The following RYR2 variants were observed in gnomAD, a reference collection of about 807,000 sequenced individuals.
RYR2 encodes cardiac muscle ryanodine receptor-calcium release channel.
A neutral mutation model predicts 601.1 loss-of-function variants in RYR2; 227 were observed. The observed-to-expected ratio is 0.38, with a 90% CI of 0.34 to 0.42. The LOEUF (loss-of-function observed/expected upper bound fraction) is 0.42, where lower values mean the gene tolerates loss of function less well. Among genes scored for constraint, RYR2 ranks in the 10% least tolerant of loss-of-function variants. The pLI is 1.00. For missense variants in RYR2, 4,646 were observed against 6,156.5 expected, an observed-to-expected ratio of 0.75 and a Z score of 8.21; for synonymous variants, 2,223 against 2,175.1, an observed-to-expected ratio of 1.02 and a Z score of -0.61.
intron 2 of RYR2, among the ~76,000 whole-genome samples, chr1:237,293,014 C>T (rs1180812313): frequency 1.3e-5 from 2 of 151,832 alleles, no homozygotes; most frequent in African/African-American, 4.8e-5. Context: ...CTTCTCCTCT[C>T]AGACACCACT....
chr1:237,366,314 G>T (rs1425681326), intron 5 of RYR2, among the ~76,000 whole-genome samples: 1 of 152,158 alleles, frequency 6.6e-6, no homozygotes, highest in African/African-American at 2.4e-5. Flanking sequence ...ATGTTAAACT[G>T]GCCTTTGCAG....
intron 8 of RYR2, among the ~76,000 whole-genome samples, chr1:237,386,883 G>A (rs1281046890): frequency 6.6e-6 from 1 of 152,062 alleles, no homozygotes; most frequent in Non-Finnish European, 1.5e-5. Flanking sequence ...CCATAAACTT[G>A]GTCCAATAGA....
chr1:237,133,750 A>T (rs1331040663), intron 1 of RYR2, among the ~76,000 whole-genome samples: 3 of 151,844 alleles, frequency 2.0e-5, no homozygotes, highest in African/African-American at 7.3e-5. Context: ...ACATGGTGAA[A>T]CCCCGTCTCT....
intron 27 of RYR2, 101 bp from the exon 28 acceptor site, chr1:237,566,466 C>G: frequency 8.2e-7 from 1 of 1,213,764 alleles, no homozygotes; most frequent in Non-Finnish European, 1.1e-6. Flanking sequence ...GGTTGAATTA[C>G]TAAAGTCGTG....
rs955882 is a variant in RYR2 at position 237,602,375 on chromosome 1, G to C, written c.4683+264G>C. 0.4 allele frequency among the ~76,000 whole-genome samples: 60,547 copies of C among 151,746 alleles called. 13,328 individuals carry two copies. Among genetic ancestry groups the C allele is most frequent in the Admixed American group, 0.51 (7,780 of 15,258 alleles). On this transcript the variant is annotated intron_variant, in intron 35 of 104. Transcript: ENST00000366574. ...AAATGCCGAGATTACACACATTGCA[G>C]CAGTCATTGAACTGATAGGTGAGCT...
chr1:237,228,910 AAAAAATAGGAAG>A (rs1684681202), intron 1 of RYR2, among the ~76,000 whole-genome samples: 2 of 152,322 alleles, frequency 1.3e-5, no homozygotes, highest in African/African-American at 4.8e-5. Context: ...GTGATGTGAA[AAAAAATAGGAAG>A]AAAAATAGTG....
intron 19 of RYR2, among the ~76,000 whole-genome samples, chr1:237,494,100 C>A (rs866693208): frequency 2.0e-5 from 3 of 152,112 alleles, no homozygotes; most frequent in South Asian, 2.1e-4. Flanking sequence ...TCTAGAGGCA[C>A]AGGGCGAATA....
intron 29 of RYR2, among the ~76,000 whole-genome samples, chr1:237,570,855 A>C (rs879827689): frequency 3.3e-5 from 5 of 152,182 alleles, no homozygotes; most frequent in Admixed American, 6.5e-5. Flanking sequence ...TCAGCCAGGC[A>C]TGGTGATTCA....
chr1:237,108,459 G>A (rs528402955), intron 1 of RYR2, among the ~76,000 whole-genome samples: 25 of 152,340 alleles, frequency 1.6e-4, no homozygotes, highest in African/African-American at 5.1e-4. Context: ...CTGATGTACC[G>A]CAGAGGCCTC....
chr1:237,725,950 T>C (rs2149137140), intron 74 of RYR2, among the ~76,000 whole-genome samples: 1 of 152,224 alleles, frequency 6.6e-6, no homozygotes, highest in Admixed American at 6.5e-5. Flanking sequence ...TGGGTCTCAT[T>C]GAAAACTATT....
At chr1:237,642,423 G>GACA (rs1480857172) in intron 47 of RYR2, among the ~76,000 whole-genome samples, 1 of 152,154 alleles carries the variant, frequency 6.6e-6, no homozygotes, top group South Asian at 2.1e-4. Flanking sequence ...GGTGATTACT[G>GACA]ACAACAACAA....
intron 24 of RYR2, among the ~76,000 whole-genome samples, chr1:237,516,179 C>G (rs1012509699): frequency 6.6e-6 from 1 of 152,114 alleles, no homozygotes; most frequent in Non-Finnish European, 1.5e-5. Flanking sequence ...TACGCGATCT[C>G]AGCTCACTGC....
chr1:237,474,600 T>G (rs554136793), intron 17 of RYR2, among the ~76,000 whole-genome samples: 1 of 152,272 alleles, frequency 6.6e-6, no homozygotes, highest in African/African-American at 2.4e-5. Context: ...TCTCAAAATC[T>G]TAACCTCACT....
At chr1:237,099,117 A>C (rs947369611) in intron 1 of RYR2, among the ~76,000 whole-genome samples, 29 of 137,576 alleles carry the variant, frequency 2.1e-4, no homozygotes, top group Admixed American at 5.2e-4. Context: ...AAAAAAAAAA[A>C]CCCAGGAAAT....
At chr1:237,072,153 G>C (rs1664427957) in intron 1 of RYR2, among the ~76,000 whole-genome samples, 1 of 152,150 alleles carries the variant, frequency 6.6e-6, no homozygotes, top group Non-Finnish European at 1.5e-5. Flanking sequence ...AACTCAGCAG[G>C]GCACGGGGGT....
At chr1:237,785,340 T>C (rs946664293) in intron 90 of RYR2, among the ~76,000 whole-genome samples, 10 of 152,360 alleles carry the variant, frequency 6.6e-5, no homozygotes, top group Middle Eastern at 3.4e-3. Flanking sequence ...TCTGTGATTT[T>C]CTTTGGCATG....
chr1:237,639,218 C>A lies in RYR2; in HGVS notation c.7115+17C>A. On this transcript the variant is annotated intron_variant, in intron 46 of 104. Coordinates refer to ENST00000366574, the MANE Select transcript of RYR2 (RefSeq NM_001035.3). Reference sequence around the variant, plus strand: ...TAAAACACTGTAGGTCTAATATACACACCCTCACGAGTGATCCATACTACT... The same window carrying A: ...TAAAACACTGTAGGTCTAATATACAAACCCTCACGAGTGATCCATACTACT... 1 of 1,597,258 alleles carries A rather than the reference C, an allele frequency of 6.3e-7. No individual in the cohort carries two copies. The highest frequency in any genetic ancestry group is 8.5e-7 in the Non-Finnish European group (1 of 1,169,760).
At chr1:237,479,581 C>T (rs1048456493) in intron 17 of RYR2, among the ~76,000 whole-genome samples, 2 of 149,602 alleles carry the variant, frequency 1.3e-5, no homozygotes, top group African/African-American at 4.9e-5. Context: ...AGAACTTGCT[C>T]CAGGGGATCC....
At chr1:237,822,445 G>T (rs1269765506) in intron 101 of RYR2, among the ~76,000 whole-genome samples, 1 of 152,092 alleles carries the variant, frequency 6.6e-6, no homozygotes, top group Non-Finnish European at 1.5e-5. Context: ...CAAAAGCGAA[G>T]GAGTAATAAA....
Sources: gnomAD v4.1 joint callset for allele counts (sites outside exome capture counted in the v4.1 genomes callset) on GRCh38, gnomAD v4.1.1 for gene constraint, MANE v1.5 for transcripts, NCBI Gene and HGNC (gene_info 2026-07-23, HGNC 2026-07-21) for gene names.